SGCG: variants seen among roughly 807,000 people sequenced by gnomAD.
SGCG encodes the protein sarcoglycan gamma.
A neutral mutation model predicts 29.3 loss-of-function variants in SGCG; 26 were observed. The observed-to-expected ratio is 0.89, with a 90% CI of 0.65 to 1.23. The LOEUF is 1.23. Among genes scored for constraint, SGCG ranks in the 50% most tolerant of loss-of-function variants. The probability of loss-of-function intolerance (pLI) is 0.00; values close to 1 mark genes in which losing one functional copy is unlikely to be tolerated. For synonymous variants in SGCG, 145 were observed against 129.7 expected, an observed-to-expected ratio of 1.12 and a Z score of -0.80; for missense variants, 353 against 356.0, an observed-to-expected ratio of 0.99 and a Z score of 0.07.
At chr13:23,318,660 A>AC (rs1287403850) in intron 6 of SGCG, among the ~76,000 whole-genome samples, 2 of 152,182 alleles carry the variant, frequency 1.3e-5, no homozygotes, top group Non-Finnish European at 2.9e-5. Flanking sequence ...TGTTAATGGA[A>AC]ATGTATACTT....
chr13:23,229,459 CATCT>C (rs1024985705), intron 2 of SGCG, among the ~76,000 whole-genome samples: 12 of 152,188 alleles, frequency 7.9e-5, no homozygotes, highest in Non-Finnish European at 1.8e-4. Flanking sequence ...ACCTCACCAG[CATCT>C]ATTATTTTTC....
chr13:23,252,789 T>C (rs1245415488), intron 4 of SGCG, among the ~76,000 whole-genome samples: 1 of 152,182 alleles, frequency 6.6e-6, no homozygotes, highest in African/African-American at 2.4e-5. Flanking sequence ...TCGTATATTA[T>C]GCAAGGGAAT....
intron 5 of SGCG, among the ~76,000 whole-genome samples, chr13:23,289,806 T>C (rs1490126831): frequency 6.6e-6 from 1 of 152,178 alleles, no homozygotes; most frequent in Non-Finnish European, 1.5e-5. Context: ...AATTTAGGAT[T>C]TGTTTTAGTT....
chr13:23,204,033 A>G lies in SGCG; in HGVS notation c.195+144A>G, dbSNP rs12100060. 5 of 684,158 alleles carry G rather than the reference A, an allele frequency of 7.3e-6. No individual in the cohort carries two copies. In the African/African-American group the frequency reaches 7.3e-5, roughly 10 times the overall value. The allele number at this position is 684,158 out of a possible 1,614,324, so 42.4% of individuals were successfully genotyped here. A position where few individuals can be genotyped will look rare whatever the true frequency, so the allele number is the denominator to read the frequency against. ...TCTGAATTTCAGGAGCAAAATATGT[A>G]TGTAGCATTTACGTTTTTCCCTTTT... is the stretch of plus-strand genomic sequence containing the variant. On this transcript the variant is annotated intron_variant, in intron 2 of 7. Coordinates refer to ENST00000218867, the MANE Select transcript of SGCG (RefSeq NM_000231.3).
intron 6 of SGCG, among the ~76,000 whole-genome samples, chr13:23,302,719 G>T (rs898904656): frequency 3.0e-4 from 46 of 152,146 alleles, no homozygotes; most frequent in African/African-American, 1.1e-3. Context: ...AAGTAAAATT[G>T]TATAAAACTA....
intron 4 of SGCG, among the ~76,000 whole-genome samples, chr13:23,274,394 TC>T (rs1312420480): frequency 1.4e-4 from 15 of 109,022 alleles, no homozygotes; most frequent in South Asian, 1.1e-3. Flanking sequence ...TCTTTCTTTC[TC>T]TTTTTTTTTT....
chr13:23,313,127 T>C (rs189949036), intron 6 of SGCG, among the ~76,000 whole-genome samples: 2 of 152,152 alleles, frequency 1.3e-5, no homozygotes. Flanking sequence ...AAGCTTTAAA[T>C]TGATGCACTG....
chr13:23,182,658 C>G (rs1376095751), intron 1 of SGCG, among the ~76,000 whole-genome samples: 3 of 152,164 alleles, frequency 2.0e-5, no homozygotes, highest in African/African-American at 7.2e-5. Context: ...TATGGGAACA[C>G]TGGTACAGGA....
chr13:23,224,665 T>C (rs9510637), intron 2 of SGCG, among the ~76,000 whole-genome samples: 2 of 142,104 alleles, frequency 1.4e-5, no homozygotes, highest in African/African-American at 2.5e-5. Context: ...AGGGCACACA[T>C]ACACACACAC....
At chr13:23,276,967 A>G (rs17315411) in intron 4 of SGCG, among the ~76,000 whole-genome samples, 12,953 of 152,302 alleles carry the variant, frequency 0.085, 725 homozygotes, top group South Asian at 0.15. Context: ...AATGCTTAGC[A>G]CAGAACCTTG....
chr13:23,167,980 G>C, the SGCG span, among the ~76,000 whole-genome samples: 5 of 152,098 alleles, frequency 3.3e-5, no homozygotes, highest in Non-Finnish European at 7.4e-5. Context: ...CAGATGATCC[G>C]TGTGCCTCGA....
intron 6 of SGCG, among the ~76,000 whole-genome samples, chr13:23,296,911 C>T (rs1336970455): frequency 1.3e-5 from 2 of 152,048 alleles, no homozygotes; most frequent in Non-Finnish European, 2.9e-5. Flanking sequence ...TATAACAAAA[C>T]CAAATAATAT....
chr13:23,226,177 A>G (rs1431381852), intron 2 of SGCG, among the ~76,000 whole-genome samples: 2 of 152,234 alleles, frequency 1.3e-5, no homozygotes, highest in African/African-American at 4.8e-5. Flanking sequence ...ACTACAAGAC[A>G]TTATCAATTT....
intron 2 of SGCG, among the ~76,000 whole-genome samples, chr13:23,228,002 G>A (rs1401414517): frequency 6.6e-6 from 1 of 151,970 alleles, no homozygotes; most frequent in Non-Finnish European, 1.5e-5. Flanking sequence ...GTAGAGATGG[G>A]ATTTTGCCAT....
the SGCG span, among the ~76,000 whole-genome samples, chr13:23,163,510 T>G: frequency 4.6e-5 from 7 of 152,180 alleles, no homozygotes; most frequent in Non-Finnish European, 7.3e-5. Context: ...TCTGGACCCC[T>G]GAGTGGGATC....
At chr13:23,219,185 C>G (rs1207987915) in intron 2 of SGCG, among the ~76,000 whole-genome samples, 1 of 151,630 alleles carries the variant, frequency 6.6e-6, no homozygotes, top group Non-Finnish European at 1.5e-5. Context: ...GTAGCTGGGA[C>G]TACAGGTGCC....
intron 4 of SGCG, among the ~76,000 whole-genome samples, chr13:23,264,952 T>G (rs1368599748): frequency 6.6e-6 from 1 of 152,102 alleles, no homozygotes; most frequent in Non-Finnish European, 1.5e-5. Flanking sequence ...AAGACTTAAA[T>G]CTAAGACTTG....
intron 2 of SGCG, among the ~76,000 whole-genome samples, chr13:23,207,394 A>G (rs1878022856): frequency 1.3e-5 from 2 of 152,236 alleles, no homozygotes; most frequent in Non-Finnish European, 2.9e-5. Context: ...GAAAAGCTTC[A>G]TGACATGGAT....
intron 4 of SGCG, among the ~76,000 whole-genome samples, chr13:23,263,777 C>T (rs575137867): frequency 1.3e-5 from 2 of 152,068 alleles, no homozygotes; most frequent in East Asian, 1.9e-4. Context: ...TCAACATATG[C>T]GAGTCAAGAA....
Sources: allele counts gnomAD v4.1 joint callset (sites outside exome capture counted in the v4.1 genomes callset), GRCh38; gene constraint gnomAD v4.1.1; transcripts MANE v1.5; gene names NCBI Gene and HGNC (gene_info 2026-07-23, HGNC 2026-07-21).